Variants in NTNG1 observed in about 807,000 individuals in gnomAD.
NTNG1 encodes the protein netrin G1, also known as netrin-G1.
NTNG1 carries 16 observed loss-of-function variants against 54.0 expected under a neutral mutation model. The observed-to-expected ratio is 0.30, with a 90% CI of 0.20 to 0.45. The LOEUF is 0.45. NTNG1 is among the 20% of genes least tolerant of loss of function. NTNG1 has a pLI of 1.00. For synonymous variants in NTNG1, 255 were observed against 263.1 expected (o/e 0.97, Z 0.30); for missense variants, 530 against 678.7 (o/e 0.78, Z 2.43).
intron 3 of NTNG1, among the ~76,000 whole-genome samples, chr1:107,348,377 C>T (rs1009919533): frequency 6.6e-6 from 1 of 152,132 alleles, no homozygotes; most frequent in Non-Finnish European, 1.5e-5. Context: ...ATGCTCACCT[C>T]GGCCTCCCTA....
intron 2 of NTNG1, among the ~76,000 whole-genome samples, chr1:107,173,872 A>G (rs2101102433): frequency 6.6e-6 from 1 of 152,098 alleles, no homozygotes; most frequent in Admixed American, 6.6e-5. Flanking sequence ...CCTTTTCCAT[A>G]TGGAATCCGA....
rs188958604 is a variant in NTNG1, at chr1:107,274,175, G to C, written c.247-50107G>C. On this transcript the variant is annotated intron_variant, in intron 2 of 7. Transcript: ENST00000370068. ...GGAGTAACTTTCACAAGTCCCCAAG[G>C]GGGTAGCACTGGGATTCTAACCCAG... is the stretch of plus-strand genomic sequence containing the variant. 7.2e-5 allele frequency among the ~76,000 whole-genome samples: 11 copies of C among 152,324 alleles called. No homozygotes were observed. The East Asian group carries it at 1.5e-3, about 21-fold the overall frequency.
chr1:107,324,734 T>A lies in NTNG1; in HGVS notation c.699T>A (p.Ala233=). 6.2e-7 allele frequency: 1 copy of A among 1,613,650 alleles called. No homozygotes were observed. Among genetic ancestry groups the A allele is most frequent in the Non-Finnish European group, 8.5e-7 (1 of 1,179,804 alleles). The change falls in exon 3 of 8, where the codon GCT becomes GCA. Residue 233 remains alanine (A), a synonymous_variant. Transcript: ENST00000370068. ...FEIKDRFAFF[A]GPRLRNMASL... is the part of the protein sequence containing the mutation. ...TCAAAGACAGGTTCGCGTTTTTTGC[T>A]GGACCTCGCCTACGCAATATGGCTT...
intron 2 of NTNG1, among the ~76,000 whole-genome samples, chr1:107,185,594 A>C (rs903471051): frequency 1.3e-5 from 2 of 152,184 alleles, no homozygotes; most frequent in Non-Finnish European, 2.9e-5. Context: ...CTGAGGTTTG[A>C]GTGGCTATGA....
At chr1:107,476,091 A>T (rs1032585785) in intron 7 of NTNG1, among the ~76,000 whole-genome samples, 1 of 152,238 alleles carries the variant, frequency 6.6e-6, no homozygotes, top group Non-Finnish European at 1.5e-5. Flanking sequence ...TCCAACTCAA[A>T]GTGCCCTTAC....
At chr1:107,174,258 A>G (rs1379230490) in intron 2 of NTNG1, among the ~76,000 whole-genome samples, 1 of 152,100 alleles carries the variant, frequency 6.6e-6, no homozygotes, top group Non-Finnish European at 1.5e-5. Flanking sequence ...TTTAAAAATG[A>G]AGACAAAAAT....
intron 7 of NTNG1, among the ~76,000 whole-genome samples, chr1:107,475,853 C>T (rs1478463779): frequency 2.6e-5 from 4 of 152,082 alleles, no homozygotes; most frequent in Non-Finnish European, 5.9e-5. Context: ...AGTAGTGTGC[C>T]CTCCCTACCC....
At chr1:107,358,075 C>T (rs1023518782) in intron 3 of NTNG1, among the ~76,000 whole-genome samples, 1 of 152,030 alleles carries the variant, frequency 6.6e-6, no homozygotes, top group Non-Finnish European at 1.5e-5. Flanking sequence ...TAAAAATGAG[C>T]TTTTATTGTG....
At chr1:107,452,455 T>C (rs997916983) in intron 7 of NTNG1, among the ~76,000 whole-genome samples, 3 of 152,148 alleles carry the variant, frequency 2.0e-5, no homozygotes, top group African/African-American at 7.2e-5. Context: ...CTTGAGTTTG[T>C]CCCCACAGAA....
intron 3 of NTNG1, among the ~76,000 whole-genome samples, chr1:107,365,730 T>C (rs1457891461): frequency 2.6e-5 from 4 of 152,254 alleles, no homozygotes. Context: ...CCTCAGGATC[T>C]GAATTCATAA....
chr1:107,442,806 A>ATGAAACAGCGT (rs11268973), intron 7 of NTNG1, among the ~76,000 whole-genome samples: 145,741 of 152,038 alleles, frequency 0.96, 70,162 homozygotes, highest in Non-Finnish European at 1. Flanking sequence ...GTTTTTTCAT[A>ATGAAACAGCGT]TGAAGCAGCT....
At chr1:107,313,015 G>T (rs540667422) in intron 2 of NTNG1, among the ~76,000 whole-genome samples, 1 of 152,160 alleles carries the variant, frequency 6.6e-6, no homozygotes, top group South Asian at 2.1e-4. Context: ...TCAAAGTCAG[G>T]AAATTAATAT....
chr1:107,182,166 T>C (rs1047624956), intron 2 of NTNG1, among the ~76,000 whole-genome samples: 1 of 152,118 alleles, frequency 6.6e-6, no homozygotes, highest in African/African-American at 2.4e-5. Context: ...ATGTATTTTA[T>C]TGAAATGCAA....
intron 2 of NTNG1, among the ~76,000 whole-genome samples, chr1:107,278,660 T>G (rs975441956): frequency 1.3e-5 from 2 of 152,194 alleles, no homozygotes; most frequent in African/African-American, 4.8e-5. Context: ...TTAGACAATA[T>G]GTACTGATTC....
At chr1:107,303,619 A>G (rs966011059) in intron 2 of NTNG1, among the ~76,000 whole-genome samples, 4 of 152,092 alleles carry the variant, frequency 2.6e-5, no homozygotes, top group African/African-American at 9.7e-5. Flanking sequence ...TCTCTTCTCC[A>G]CTTAAACTAC....
chr1:107,343,655 A>G (rs1669052048), intron 3 of NTNG1, among the ~76,000 whole-genome samples: 1 of 152,068 alleles, frequency 6.6e-6, no homozygotes. Flanking sequence ...CGAATTATAC[A>G]ATGAAAAGCT....
At chr1:107,459,634 G>C (rs1020895411) in intron 7 of NTNG1, among the ~76,000 whole-genome samples, 3 of 152,116 alleles carry the variant, frequency 2.0e-5, no homozygotes, top group African/African-American at 4.8e-5. Flanking sequence ...ACAGGTTGGG[G>C]GAGGACTTAG....
At chr1:107,430,133 C>T (rs1675165643) in intron 5 of NTNG1, among the ~76,000 whole-genome samples, 1 of 152,146 alleles carries the variant, frequency 6.6e-6, no homozygotes, top group African/African-American at 2.4e-5. Context: ...CATATACATA[C>T]AGATTTGGTC....
intron 4 of NTNG1, among the ~76,000 whole-genome samples, chr1:107,401,390 T>G (rs1348355104): frequency 6.6e-6 from 1 of 152,164 alleles, no homozygotes. Flanking sequence ...ACTGATCTAT[T>G]GTCTGTGGTC....
Sources: gnomAD v4.1 joint callset for allele counts (sites outside exome capture counted in the v4.1 genomes callset) on GRCh38, gnomAD v4.1.1 for gene constraint, MANE v1.5 for transcripts, NCBI Gene and HGNC (gene_info 2026-07-23, HGNC 2026-07-21) for gene names.